The following LRRC1 variants were observed in gnomAD, a reference collection of about 807,000 sequenced individuals.
LRRC1 encodes the protein leucine-rich repeat-containing protein 1.
Under a neutral mutation model 69.9 loss-of-function variants are expected in LRRC1, and 28 were observed. The observed-to-expected ratio is 0.40, with a 90% CI of 0.30 to 0.55. LRRC1 has a LOEUF of 0.55. Among genes scored for constraint, LRRC1 ranks in the 20% least tolerant of loss-of-function variants. The pLI, the probability that LRRC1 is intolerant of heterozygous loss-of-function variation, is 0.47. For missense variants in LRRC1, 498 were observed against 609.0 expected (o/e 0.82, Z 1.92); for synonymous variants, 236 against 240.2 (o/e 0.98, Z 0.16).
At chr6:53,825,813 G>A (rs1229345218) in intron 1 of LRRC1, among the ~76,000 whole-genome samples, 2 of 152,040 alleles carry the variant, frequency 1.3e-5, no homozygotes, top group Non-Finnish European at 2.9e-5. Context: ...CTACTCTCTG[G>A]TTCTGAAATT....
intron 1 of LRRC1, among the ~76,000 whole-genome samples, chr6:53,841,366 C>T (rs1271881808): frequency 1.3e-5 from 2 of 152,188 alleles, no homozygotes; most frequent in South Asian, 4.1e-4. Context: ...TAAATTTCAG[C>T]TTTGTTTCAA....
chr6:53,830,316 T>G (rs914828436), intron 1 of LRRC1, among the ~76,000 whole-genome samples: 1 of 152,250 alleles, frequency 6.6e-6, no homozygotes, highest in Admixed American at 6.5e-5. Context: ...GCAGACTTGT[T>G]AGATGTTAAC....
At chr6:53,809,170 T>A (rs926896730) in intron 1 of LRRC1, among the ~76,000 whole-genome samples, 4 of 152,222 alleles carry the variant, frequency 2.6e-5, no homozygotes, top group African/African-American at 9.6e-5. Context: ...TTTTTCCTGT[T>A]CTCAAAGCAT....
chr6:53,893,615 A>G (rs1305538585), intron 4 of LRRC1, among the ~76,000 whole-genome samples: 1 of 152,128 alleles, frequency 6.6e-6, no homozygotes, highest in Non-Finnish European at 1.5e-5. Context: ...CAGATTAAGT[A>G]TATTGCAGAT....
intron 2 of LRRC1, among the ~76,000 whole-genome samples, chr6:53,861,532 A>G (rs1161649809): frequency 1.3e-5 from 2 of 151,256 alleles, no homozygotes; most frequent in African/African-American, 4.9e-5. Context: ...TAAGCGGGTC[A>G]GATGATTCTT....
chr6:53,888,811 T>C (rs2127433309), intron 4 of LRRC1, among the ~76,000 whole-genome samples: 1 of 152,328 alleles, frequency 6.6e-6, no homozygotes, highest in Non-Finnish European at 1.5e-5. Context: ...AGTGGTTTCC[T>C]AGCTATGACA....
chr6:53,800,190 A>G (rs1341720779), intron 1 of LRRC1, among the ~76,000 whole-genome samples: 1 of 152,046 alleles, frequency 6.6e-6, no homozygotes, highest in African/African-American at 2.4e-5. Context: ...TCAGATGTCT[A>G]ACATCTTTCT....
intron 10 of LRRC1, among the ~76,000 whole-genome samples, chr6:53,910,326 C>G (rs2127440537): frequency 6.6e-6 from 1 of 152,300 alleles, no homozygotes; most frequent in South Asian, 2.1e-4. Context: ...CTTCCCAGAA[C>G]TTCTAAGTGA....
At chr6:53,812,534 CA>C (rs570520492) in intron 1 of LRRC1, among the ~76,000 whole-genome samples, 114 of 151,240 alleles carry the variant, frequency 7.5e-4, no homozygotes, top group African/African-American at 2.6e-3. Context: ...ACTAAAAATA[CA>C]AAAAATCAGC....
At chr6:53,899,191 G>A (rs1306008881) in intron 7 of LRRC1, among the ~76,000 whole-genome samples, 1 of 152,236 alleles carries the variant, frequency 6.6e-6, no homozygotes, top group South Asian at 2.1e-4. Context: ...TATCCTGGTA[G>A]ACTGTTTTCA....
intron 4 of LRRC1, chr6:53,883,992 G>T: frequency 1.4e-6 from 1 of 717,938 alleles, no homozygotes; most frequent in Non-Finnish European, 2.6e-6. Flanking sequence ...CAGCAAGTTG[G>T]TGTTTTTCTG....
At chr6:53,821,420 T>C (rs1196635287) in intron 1 of LRRC1, among the ~76,000 whole-genome samples, 1 of 152,210 alleles carries the variant, frequency 6.6e-6, no homozygotes, top group Non-Finnish European at 1.5e-5. Flanking sequence ...TTCTTTTGAT[T>C]TTAAAATAAA....
At chr6:53,920,512 G>A (rs1177740916) in intron 12 of LRRC1, 113 bp from the exon 13 acceptor site, 3 of 1,100,170 alleles carry the variant, frequency 2.7e-6, no homozygotes, top group Non-Finnish European at 3.9e-6. Flanking sequence ...CTTATTTCTG[G>A]TGTTCTACCC....
intron 6 of LRRC1, 151 bp from the exon 7 acceptor site, chr6:53,897,134 T>C: frequency 1.5e-6 from 1 of 651,484 alleles, no homozygotes; most frequent in Admixed American, 3.0e-5. Flanking sequence ...GTTTGGGCAC[T>C]TTGAGGAAAG....
chr6:53,873,684 G>A lies in LRRC1; in HGVS notation c.278-5309G>A, dbSNP rs1227614002. 3.3e-5 allele frequency among the ~76,000 whole-genome samples: 5 copies of A among 152,050 alleles called. No individual in the cohort carries two copies. The East Asian group carries it at 9.6e-4, about 29-fold the overall frequency. Reference sequence around the variant, plus strand: ...TACTAGTTCTCATGGGTTTTTTATGGAGTCTTTAGGGTTTTCTATATGTAA... The same window carrying A: ...TACTAGTTCTCATGGGTTTTTTATGAAGTCTTTAGGGTTTTCTATATGTAA... On this transcript the variant is annotated intron_variant, in intron 2 of 13. Coordinates refer to ENST00000370888, the MANE Select transcript of LRRC1 (RefSeq NM_018214.5).
At chr6:53,814,555 C>T (rs1279779650) in intron 1 of LRRC1, among the ~76,000 whole-genome samples, 1 of 152,220 alleles carries the variant, frequency 6.6e-6, no homozygotes, top group Non-Finnish European at 1.5e-5. Context: ...TATTGTTCTA[C>T]TCAGCAGTGA....
Position 53,913,899 on chromosome 6 carries a change from A to G in LRRC1, c.1036A>G (p.Arg346Gly), listed in dbSNP as rs1768489665. 2.5e-6 allele frequency: 4 copies of G among 1,612,916 alleles called. No individual in the cohort carries two copies. The highest frequency in any genetic ancestry group is 2.2e-5 in the South Asian group (2 of 90,984). ...CACTGTGTTCTGTGTACGTGACAAC[A>G]GACTAACTCGGATACCTGCAGAGGT... ...SLTVFCVRDN[R>G]LTRIPAEVSQ... The change falls in exon 11 of 14, where the codon AGA becomes GGA. Residue 346 changes from arginine (R) to glycine (G), a missense_variant. Arg to Gly is a moderately radical substitution (Grantham distance 125). Transcript: ENST00000370888.
rs180904572 is a variant in LRRC1, at chr6:53,874,633, A to C, written c.278-4360A>C. Among the ~76,000 whole-genome samples, 3 of 152,236 alleles carry C rather than the reference A, an allele frequency of 2.0e-5. No homozygotes were observed. The East Asian group carries it at 5.8e-4, about 29-fold the overall frequency. Reference sequence around the variant, plus strand: ...GTGAGGTTGTTGGAGCAAGACATCCATTTTTTCTTTAATTCTCCCTTTTCC... The same window carrying C: ...GTGAGGTTGTTGGAGCAAGACATCCCTTTTTTCTTTAATTCTCCCTTTTCC... On this transcript the variant is annotated intron_variant, in intron 2 of 13. Coordinates refer to ENST00000370888, the MANE Select transcript of LRRC1 (RefSeq NM_018214.5).
At chr6:53,875,516 T>C (rs1181312042) in intron 2 of LRRC1, among the ~76,000 whole-genome samples, 46 of 152,084 alleles carry the variant, frequency 3.0e-4, no homozygotes, top group Non-Finnish European at 1.5e-5. Context: ...AAAGATTACC[T>C]CTAGGTGATG....
Sources: gnomAD v4.1 joint callset for allele counts (sites outside exome capture counted in the v4.1 genomes callset) on GRCh38, gnomAD v4.1.1 for gene constraint, MANE v1.5 for transcripts, NCBI Gene and HGNC (gene_info 2026-07-23, HGNC 2026-07-21) for gene names.